Variants in FRYL observed in about 807,000 individuals in gnomAD.
The protein encoded by FRYL is FRY like transcription coactivator.
A neutral mutation model predicts 351.2 loss-of-function variants in FRYL; 150 were observed. The observed-to-expected ratio is 0.43, with a 90% CI of 0.37 to 0.49. FRYL has a LOEUF of 0.49. FRYL is among the 20% of genes least tolerant of loss of function. FRYL has a pLI of 0.00. For synonymous variants in FRYL, 1,153 were observed against 1,257.1 expected (o/e 0.92, Z 1.75); for missense variants, 3,036 against 3,619.3 (o/e 0.84, Z 4.13).
intron 3 of FRYL, among the ~76,000 whole-genome samples, chr4:48,680,532 T>A (rs945707120): frequency 1.5e-4 from 23 of 151,902 alleles, no homozygotes; most frequent in Admixed American, 1.4e-3. Flanking sequence ...AGCCCAAATA[T>A]TCATTATCTT....
At chr4:48,779,253 G>C (rs1261605807) in intron 1 of FRYL, among the ~76,000 whole-genome samples, 1 of 152,220 alleles carries the variant, frequency 6.6e-6, no homozygotes, top group East Asian at 1.9e-4. Flanking sequence ...TTGCAAAGAA[G>C]AGCTCAGCGC....
chr4:48,634,259 A>C (rs753241316), intron 4 of FRYL, 32 bp downstream of exon 4: 5 of 1,515,312 alleles, frequency 3.3e-6, no homozygotes, highest in Non-Finnish European at 4.6e-6. Context: ...AGTCAAGAAA[A>C]TATTTCAGAT....
Position 48,561,517 on chromosome 4 carries a change from G to A in FRYL, c.3816C>T (p.Ser1272=), listed in dbSNP as rs762924827. The change falls in exon 33 of 64, where the codon TCC becomes TCT. Residue 1272 remains serine (S), a synonymous_variant. Transcript: ENST00000358350. Reference sequence around the variant, plus strand: ...CAGGATACGCCCTTGCTAGTTCCTCGGACAACTGATAATATGAAACAGAAT... The same window carrying A: ...CAGGATACGCCCTTGCTAGTTCCTCAGACAACTGATAATATGAAACAGAAT... ...HLYSVSYYQL[S]EELARAYPEL... 5.0e-6 allele frequency: 8 copies of A among 1,611,144 alleles called. No individual in the cohort carries two copies. Among genetic ancestry groups the A allele is most frequent in the Non-Finnish European group, 6.8e-6 (8 of 1,178,224 alleles).
chr4:48,674,720 G>C (rs1169537748), intron 3 of FRYL, among the ~76,000 whole-genome samples: 2 of 97,116 alleles, frequency 2.1e-5, no homozygotes, highest in Non-Finnish European at 1.8e-5. Flanking sequence ...CAGGGCGACA[G>C]AGCAAGACTC....
At chr4:48,531,002 C>T (rs1727461816) in intron 50 of FRYL, among the ~76,000 whole-genome samples, 154 bp downstream of exon 50, 1 of 152,256 alleles carries the variant, frequency 6.6e-6, no homozygotes, top group African/African-American at 2.4e-5. Context: ...TAACAGCAGG[C>T]CTTCTCCCCA....
At chr4:48,522,825 G>T in intron 54 of FRYL, 76 bp downstream of exon 54, 1 of 1,087,306 alleles carries the variant, frequency 9.2e-7, no homozygotes, top group Non-Finnish European at 1.4e-6. Flanking sequence ...CCATGCACAA[G>T]AAATAATCAT....
chr4:48,670,477 A>AT (rs1241809094), intron 3 of FRYL, among the ~76,000 whole-genome samples: 9 of 149,722 alleles, frequency 6.0e-5, no homozygotes, highest in Non-Finnish European at 1.2e-4. Flanking sequence ...TATATATATA[A>AT]TTTTTTTTAC....
chr4:48,622,621 A>C (rs549144710), intron 5 of FRYL, among the ~76,000 whole-genome samples: 1 of 152,308 alleles, frequency 6.6e-6, no homozygotes, highest in Non-Finnish European at 1.5e-5. Flanking sequence ...CTAGATAGTA[A>C]AGAAAGCTAA....
intron 2 of FRYL, among the ~76,000 whole-genome samples, chr4:48,696,527 G>C (rs546556074): frequency 6.6e-6 from 1 of 152,174 alleles, no homozygotes; most frequent in African/African-American, 2.4e-5. Flanking sequence ...GGGCCAGTCA[G>C]CAGGTGGGGG....
At position 48,515,199 on chromosome 4, in the gene FRYL, T is replaced by C. The variant is rs1268205636; in HGVS notation, c.7766A>G (p.Gln2589Arg). ...DEGSYIIQEQ[Q>R]ESLVCQGILD... The stretch of plus-strand genomic sequence containing the variant: ...AATTCCTTGACACACAAGAGATTCC[T>C]GCTGTTCTTGAATTATATAGGATCC... Residue 2589 changes from glutamine (Q) to arginine (R), a missense_variant, in exon 56 of 64, where the codon CAG becomes CGG. By Grantham distance (43) the Gln-to-Arg change is conservative (BLOSUM62 1). This residue lies in a region of FRYL where 1,987 missense variants were observed against 2,311.7 expected (regional missense o/e 0.86). Transcript: ENST00000358350. The C allele has an allele frequency of 6.2e-7, 1 of 1,613,646 alleles. No homozygotes were observed. Among genetic ancestry groups the C allele is most frequent in the Non-Finnish European group, 8.5e-7 (1 of 1,179,556 alleles).
At chr4:48,771,856 TA>T in intron 1 of FRYL, among the ~76,000 whole-genome samples, 1 of 152,072 alleles carries the variant, frequency 6.6e-6, no homozygotes. Flanking sequence ...CATCAAATTA[TA>T]AAGAGGAGAC....
At chr4:48,737,073 A>T (rs1006417465) in intron 1 of FRYL, among the ~76,000 whole-genome samples, 3 of 151,676 alleles carry the variant, frequency 2.0e-5, no homozygotes, top group Non-Finnish European at 1.5e-5. Context: ...TGAGGTCAGG[A>T]GTTTCAGATC....
rs184083764 is a variant in FRYL, at chr4:48,649,306, T to G, written c.-80-14816A>C. ...TTTTCTCATTGTGCAAAAATGCAAG[T>G]AATCTATGCAAATACAGTTTCTTAA... On this transcript the variant is annotated intron_variant, in intron 3 of 63. Transcript: ENST00000358350. Among the ~76,000 whole-genome samples the G allele has an allele frequency of 4.5e-4, 69 of 152,334 alleles. No individual in the cohort carries two copies. The East Asian group carries it at 7.3e-3, about 16-fold the overall frequency.
intron 3 of FRYL, among the ~76,000 whole-genome samples, chr4:48,636,698 A>G (rs927078942): frequency 6.6e-6 from 1 of 152,072 alleles, no homozygotes; most frequent in African/African-American, 2.4e-5. Flanking sequence ...CTGTCAAGAT[A>G]AAAATATTTT....
chr4:48,676,107 T>A (rs1358451965), intron 3 of FRYL, among the ~76,000 whole-genome samples: 6 of 152,114 alleles, frequency 3.9e-5, no homozygotes, highest in Non-Finnish European at 5.9e-5. Flanking sequence ...GCCACTCAGC[T>A]CTACCAATCA....
intron 55 of FRYL, among the ~76,000 whole-genome samples, chr4:48,517,880 T>TTAATTA (rs1723982515): frequency 6.6e-6 from 1 of 152,238 alleles, no homozygotes; most frequent in African/African-American, 2.4e-5. Context: ...ATTAATTATA[T>TTAATTA]TCTTTGTCTT....
intron 1 of FRYL, among the ~76,000 whole-genome samples, chr4:48,774,632 G>A (rs781639427): frequency 6.6e-6 from 1 of 150,526 alleles, no homozygotes; most frequent in African/African-American, 2.4e-5. Flanking sequence ...TGCAACTTCC[G>A]CCTCCTGGGT....
At chr4:48,763,173 C>T (rs967423893) in intron 1 of FRYL, among the ~76,000 whole-genome samples, 1 of 140,620 alleles carries the variant, frequency 7.1e-6, no homozygotes, top group African/African-American at 2.6e-5. Context: ...AATTTAAATA[C>T]TTGGAGGCCA....
At chr4:48,506,615 A>AATATATATATATATAT (rs55736457) in intron 59 of FRYL, 1 of 71,752 alleles carries the variant, frequency 1.4e-5, no homozygotes, top group African/African-American at 9.2e-5. Flanking sequence ...CAATACAACT[A>AATATATATATATATAT]ATATATATAT....
Sources: allele counts gnomAD v4.1 joint callset (sites outside exome capture counted in the v4.1 genomes callset), GRCh38; gene constraint gnomAD v4.1.1; regional missense constraint gnomAD v4.1.1; transcripts MANE v1.5; gene names NCBI Gene and HGNC (gene_info 2026-07-23, HGNC 2026-07-21).